Variants in ZSCAN4 observed in about 807,000 individuals in gnomAD.
The protein encoded by ZSCAN4 is zinc finger and SCAN domain containing 4.
Under a neutral mutation model 18.3 loss-of-function variants are expected in ZSCAN4, and 18 were observed. The observed-to-expected ratio is 0.98, with a 90% CI of 0.68 to 1.46. ZSCAN4 has a LOEUF of 1.46. Among genes scored for constraint, ZSCAN4 ranks in the 40% most tolerant of loss-of-function variants. The pLI, the probability that ZSCAN4 is intolerant of heterozygous loss-of-function variation, is 0.00. For synonymous variants in ZSCAN4, 193 were observed against 180.3 expected (o/e 1.07, Z -0.57); for missense variants, 498 against 511.4 (o/e 0.97, Z 0.25).
At position 57,676,080 on chromosome 19, in the gene ZSCAN4, C is replaced by T. The variant is rs1032591969; in HGVS notation, c.-66C>T. On this transcript the variant is annotated 5_prime_UTR_variant, in exon 3 of 5. Coordinates refer to ENST00000318203, the Ensembl canonical transcript of ZSCAN4. Reference sequence around the variant, plus strand: ...GAATCCACCAACTGTTGAAACAAATCCCTAGAGACACAAGGCAAGAGACTG... The same window carrying T: ...GAATCCACCAACTGTTGAAACAAATTCCTAGAGACACAAGGCAAGAGACTG... The T allele has an allele frequency of 2.8e-5, 42 of 1,473,868 alleles. 1 individual carries two copies. The East Asian group carries it at 9.6e-4, about 34-fold the overall frequency. 91.3% of individuals were successfully genotyped at this position (1,473,868 alleles called of 1,614,324 possible).
chr19:57,677,419 A>ATT (rs71188043), intron 3 of ZSCAN4, among the ~76,000 whole-genome samples: 5 of 149,658 alleles, frequency 3.3e-5, no homozygotes, highest in South Asian at 2.1e-4. Flanking sequence ...TTAGTGGCAC[A>ATT]TTTTTTTTTT....
At chr19:57,666,523 C>T (rs1160013042), upstream of ZSCAN4, among the ~76,000 whole-genome samples, 1 of 147,750 alleles carries the variant, frequency 6.8e-6, no homozygotes, top group Non-Finnish European at 1.5e-5. Context: ...AAAGTAGGTG[C>T]AACAACCAAA....
exon 5 of ZSCAN4, chr19:57,678,466 C>T: frequency 6.2e-7 from 1 of 1,614,120 alleles, no homozygotes; most frequent in Non-Finnish European, 8.5e-7. Flanking sequence ...TCTGCCCTTA[C>T]CCACCAGAGC....
exon 1 of ZSCAN4, chr19:57,668,945 C>T (rs1983931570): frequency 6.6e-6 from 1 of 151,954 alleles, no homozygotes; most frequent in South Asian, 2.1e-4. Context: ...CCTTGTAATT[C>T]ATAAATCTCT....
At chr19:57,654,057 C>T in the ZSCAN4 span, among the ~76,000 whole-genome samples, 1 of 152,190 alleles carries the variant, frequency 6.6e-6, no homozygotes, top group Admixed American at 6.5e-5. Context: ...CTGTTGGATA[C>T]TGGGCAACAT....
chr19:57,674,526 T>C (rs1984118729), intron 2 of ZSCAN4, among the ~76,000 whole-genome samples: 1 of 152,242 alleles, frequency 6.6e-6, no homozygotes, highest in Non-Finnish European at 1.5e-5. Context: ...GGCTGCATAA[T>C]ATTCCATGGT....
the ZSCAN4 span, among the ~76,000 whole-genome samples, chr19:57,655,790 T>C: frequency 0.094 from 14,255 of 151,874 alleles, 1,373 homozygotes; most frequent in African/African-American, 0.24. Flanking sequence ...TAGATTCCCT[T>C]TCCTTCCCTT....
At chr19:57,675,036 C>T (rs921245127) in intron 2 of ZSCAN4, among the ~76,000 whole-genome samples, 29 of 149,676 alleles carry the variant, frequency 1.9e-4, no homozygotes, top group East Asian at 5.9e-4. Flanking sequence ...CTCATTGCCA[C>T]GCCCACTTCC....
In ZSCAN4 at chr19:57,678,230, T is replaced by C. The variant is rs140934593; in HGVS notation, c.627T>C (p.Ile209=). 581 of 1,614,158 alleles carry C rather than the reference T, an allele frequency of 3.6e-4. 1 individual carries two copies. In the African/African-American group the frequency reaches 6.8e-3, roughly 19 times the overall value. The change falls in exon 5 of 5, where the codon ATT becomes ATC. Residue 209 remains isoleucine (I), a synonymous_variant. Coordinates refer to ENST00000318203, the Ensembl canonical transcript of ZSCAN4. ...AAACTACTCGAGTAAATGAAAATAT[T>C]ACTAATCAAGGCAATCAAATAGTTT...
rs774021733 is a variant in ZSCAN4, at chr19:57,678,620, ATTTG to A, written c.1023_1026del (p.Cys342ProfsTer18). On this transcript the variant is annotated frameshift_variant, in exon 5 of 5. Transcript: ENST00000318203. LOFTEE classifies it low-confidence loss of function (END_TRUNC). ...AGAGAAGACACAGGAATGAGAGGCC[ATTTG>A]TTTGTCCCGAGTGTCAAAAAGGCTT... The A allele has an allele frequency of 1.2e-6, 2 of 1,614,086 alleles. No individual in the cohort carries two copies.
chr19:57,654,704 C>T, the ZSCAN4 span, among the ~76,000 whole-genome samples: 3 of 152,180 alleles, frequency 2.0e-5, no homozygotes, highest in African/African-American at 7.2e-5. Flanking sequence ...TATCCCCCCA[C>T]CTCCACCACT....
chr19:57,666,964 T>C (rs1353311004), upstream of ZSCAN4, among the ~76,000 whole-genome samples: 1 of 152,200 alleles, frequency 6.6e-6, no homozygotes, highest in Non-Finnish European at 1.5e-5. Context: ...ATTGGCTTTG[T>C]CTTCTTGGAA....
At chr19:57,678,576 T>C (rs1984265145) in exon 5 of ZSCAN4, 1 of 1,613,964 alleles carries the variant, frequency 6.2e-7, no homozygotes, top group African/African-American at 1.3e-5. Context: ...TAAGTATCTC[T>C]GTCACTTATT....
At chr19:57,663,519 C>CAAAAAAAAAAAAAAAAAAA in the ZSCAN4 span, among the ~76,000 whole-genome samples, 15 of 18,310 alleles carry the variant, frequency 8.2e-4, no homozygotes, top group African/African-American at 3.2e-3. Flanking sequence ...AACCATGTCT[C>CAAAAAAAAAAAAAAAAAAA]TAAAAAAAAA....
At chr19:57,658,705 G>A in the ZSCAN4 span, among the ~76,000 whole-genome samples, 1 of 151,746 alleles carries the variant, frequency 6.6e-6, no homozygotes, top group African/African-American at 2.4e-5. Context: ...ATGGTGGCAC[G>A]TGCCTGTAAT....
chr19:57,662,141 A>G, the ZSCAN4 span, among the ~76,000 whole-genome samples: 1 of 151,952 alleles, frequency 6.6e-6, no homozygotes, highest in African/African-American at 2.4e-5. Context: ...AATCATGTTT[A>G]ATTATAGTTT....
chr19:57,657,589 C>T, the ZSCAN4 span, among the ~76,000 whole-genome samples: 3 of 152,192 alleles, frequency 2.0e-5, no homozygotes, highest in Non-Finnish European at 4.4e-5. Flanking sequence ...GTCCACTTAT[C>T]ATTTGATAAA....
exon 5 of ZSCAN4, chr19:57,678,236 T>C (rs1984250013): frequency 3.7e-6 from 6 of 1,614,156 alleles, no homozygotes; most frequent in Non-Finnish European, 5.1e-6. Context: ...ATATTACTAA[T>C]CAAGGCAATC....
At chr19:57,667,310 G>A (rs1983881887), upstream of ZSCAN4, among the ~76,000 whole-genome samples, 1 of 152,094 alleles carries the variant, frequency 6.6e-6, no homozygotes. Context: ...TCCCTAGAAA[G>A]CTGCTGGTTT....
Sources: allele counts gnomAD v4.1 joint callset (sites outside exome capture counted in the v4.1 genomes callset), GRCh38; gene constraint gnomAD v4.1.1; transcripts MANE v1.5; gene names NCBI Gene and HGNC (gene_info 2026-07-23, HGNC 2026-07-21).